The following PRKG1 variants were observed in gnomAD, a reference collection of about 807,000 sequenced individuals.
The protein encoded by PRKG1 is cGMP-dependent protein kinase 1.
Under a neutral mutation model 88.1 loss-of-function variants are expected in PRKG1, and 35 were observed. The observed-to-expected ratio is 0.40, with a 90% CI of 0.30 to 0.53. The LOEUF is 0.53. PRKG1 is among the 20% of genes least tolerant of loss of function. The probability of loss-of-function intolerance (pLI) is 0.59; values close to 1 mark genes in which losing one functional copy is unlikely to be tolerated. For synonymous variants in PRKG1, 303 were observed against 292.5 expected, an observed-to-expected ratio of 1.04 and a Z score of -0.37; for missense variants, 540 against 839.8, an observed-to-expected ratio of 0.64 and a Z score of 4.41.
intron 5 of PRKG1, among the ~76,000 whole-genome samples, chr10:52,050,027 A>ATG (rs1021136732): frequency 2.1e-4 from 31 of 149,524 alleles, no homozygotes; most frequent in Admixed American, 4.7e-4. Flanking sequence ...TTTAGCCAGA[A>ATG]TGTGTGTGTG....
chr10:51,000,251 A>G (rs1842875257), intron 1 of PRKG1, among the ~76,000 whole-genome samples: 2 of 152,126 alleles, frequency 1.3e-5, no homozygotes, highest in African/African-American at 4.8e-5. Flanking sequence ...ACTCACAGGC[A>G]CCTCCCGAGG....
intron 5 of PRKG1, among the ~76,000 whole-genome samples, chr10:52,000,154 A>G (rs981281917): frequency 2.0e-5 from 3 of 152,102 alleles, no homozygotes; most frequent in Non-Finnish European, 4.4e-5. Context: ...GGGAGATAAT[A>G]AAAAAGCAGA....
At chr10:51,565,532 G>A (rs1837578261) in intron 3 of PRKG1, among the ~76,000 whole-genome samples, 1 of 152,112 alleles carries the variant, frequency 6.6e-6, no homozygotes, top group Non-Finnish European at 1.5e-5. Context: ...ATTGGCCTGG[G>A]TGTAGAAGCC....
intron 3 of PRKG1, among the ~76,000 whole-genome samples, chr10:51,557,225 G>A (rs935689006): frequency 3.9e-5 from 6 of 152,082 alleles, no homozygotes; most frequent in Non-Finnish European, 8.8e-5. Flanking sequence ...TGCAGATTAA[G>A]AAATGCTGCT....
intron 2 of PRKG1, among the ~76,000 whole-genome samples, chr10:51,466,093 T>C (rs1476323159): frequency 6.6e-6 from 1 of 152,158 alleles, no homozygotes. Flanking sequence ...AGATGATTTA[T>C]AAATTTTTTA....
intron 3 of PRKG1, among the ~76,000 whole-genome samples, chr10:51,749,059 A>G (rs998386414): frequency 6.6e-6 from 1 of 152,344 alleles, no homozygotes; most frequent in Non-Finnish European, 1.5e-5. Context: ...ACTTGCATAG[A>G]AGTGCCTGCT....
intron 9 of PRKG1, among the ~76,000 whole-genome samples, chr10:52,193,633 C>CT (rs1839431912): frequency 6.7e-6 from 1 of 149,132 alleles, no homozygotes; most frequent in Admixed American, 6.7e-5. Flanking sequence ...TAACTAGGAT[C>CT]TTTATTTCAA....
intron 4 of PRKG1, among the ~76,000 whole-genome samples, chr10:51,906,475 G>C (rs1339767340): frequency 6.6e-6 from 1 of 152,106 alleles, no homozygotes; most frequent in Non-Finnish European, 1.5e-5. Flanking sequence ...GGTATATATT[G>C]GTTTGGTCTG....
intron 3 of PRKG1, among the ~76,000 whole-genome samples, chr10:51,627,986 TTCTTTCTCTCTC>T (rs1564579752): frequency 8.6e-4 from 31 of 36,094 alleles, no homozygotes; most frequent in African/African-American, 2.8e-3. Flanking sequence ...CTTTCTTTCT[TTCTTTCTCTCTC>T]TCTCTCTCTC....
intron 1 of PRKG1, among the ~76,000 whole-genome samples, chr10:51,085,713 T>A (rs1273926668): frequency 6.6e-6 from 1 of 152,104 alleles, no homozygotes; most frequent in African/African-American, 2.4e-5. Flanking sequence ...GGAAAATCTT[T>A]TTACCCCGTA....
intron 2 of PRKG1, among the ~76,000 whole-genome samples, chr10:51,348,755 T>G (rs2132559968): frequency 6.6e-6 from 1 of 152,328 alleles, no homozygotes; most frequent in East Asian, 1.9e-4. Context: ...TTGCCACTTA[T>G]TCTGACATAT....
intron 1 of PRKG1, among the ~76,000 whole-genome samples, chr10:51,078,357 T>C (rs547884064): frequency 6.6e-6 from 1 of 150,564 alleles, no homozygotes; most frequent in Non-Finnish European, 1.5e-5. Flanking sequence ...TGGCTGGGAT[T>C]ACAGGCACGT....
intron 3 of PRKG1, among the ~76,000 whole-genome samples, chr10:51,484,937 G>A (rs759680852): frequency 3.3e-5 from 5 of 152,128 alleles, no homozygotes; most frequent in Non-Finnish European, 7.3e-5. Context: ...GAGATAATTA[G>A]CACTGATTAG....
chr10:51,166,057 A>G (rs932152215), intron 2 of PRKG1, among the ~76,000 whole-genome samples: 21 of 151,910 alleles, frequency 1.4e-4, no homozygotes, highest in African/African-American at 5.1e-4. Flanking sequence ...CATGCAGATC[A>G]TATTTACAGA....
At chr10:51,378,912 T>C (rs918167555) in intron 2 of PRKG1, among the ~76,000 whole-genome samples, 1 of 152,168 alleles carries the variant, frequency 6.6e-6, no homozygotes, top group Non-Finnish European at 1.5e-5. Context: ...TGGTGAGAAA[T>C]TTCTATATAA....
chr10:52,100,931 G>A (rs1847279383), intron 7 of PRKG1, among the ~76,000 whole-genome samples: 1 of 152,140 alleles, frequency 6.6e-6, no homozygotes, highest in South Asian at 2.1e-4. Context: ...CATTTGTGGT[G>A]TTTCTGCTTT....
In PRKG1 at chr10:51,130,565, A is replaced by G. The variant is rs191068729; in HGVS notation, c.312-22599A>G. Among the ~76,000 whole-genome samples, 317 of 152,058 alleles carry G rather than the reference A, an allele frequency of 2.1e-3. 2 individuals carry two copies. Among genetic ancestry groups the G allele is most frequent in the African/African-American group, 7.4e-3 (307 of 41,422 alleles). ...AACATATTTCAGAAAAATAAATTCC[A>G]TCTACTTTTTTTTATTTTATTTTTT... On this transcript the variant is annotated intron_variant, in intron 1 of 17. Transcript: ENST00000373980.
intron 5 of PRKG1, among the ~76,000 whole-genome samples, chr10:51,943,854 G>C (rs11595790): frequency 0.11 from 15,970 of 151,980 alleles, 997 homozygotes; most frequent in South Asian, 0.24. Flanking sequence ...GATTCTGTTT[G>C]CCAGTATTTT....
chr10:52,017,501 C>T (rs1285272606), intron 5 of PRKG1, among the ~76,000 whole-genome samples: 1 of 152,044 alleles, frequency 6.6e-6, no homozygotes, highest in Non-Finnish European at 1.5e-5. Context: ...GTAGGTACCA[C>T]TGGTGATTCC....
Sources: allele counts gnomAD v4.1 joint callset (sites outside exome capture counted in the v4.1 genomes callset), GRCh38; gene constraint gnomAD v4.1.1; transcripts MANE v1.5; gene names NCBI Gene and HGNC (gene_info 2026-07-23, HGNC 2026-07-21).